F2RL1: variants seen among roughly 807,000 people sequenced by gnomAD.
The protein encoded by F2RL1 is F2R like trypsin receptor 1.
Under a neutral mutation model 21.7 loss-of-function variants are expected in F2RL1, and 16 were observed. The observed-to-expected ratio is 0.74, with a 90% CI of 0.50 to 1.12. The LOEUF (loss-of-function observed/expected upper bound fraction) is 1.12, where lower values mean the gene tolerates loss of function less well. Among genes scored for constraint, F2RL1 ranks in the 50% most tolerant of loss-of-function variants. The pLI, the probability that F2RL1 is intolerant of heterozygous loss-of-function variation, is 0.00. For synonymous variants in F2RL1, 181 were observed against 186.7 expected (o/e 0.97, Z 0.25); for missense variants, 432 against 477.8 (o/e 0.90, Z 0.89).
chr5:76,819,342 G>A, intron 1 of F2RL1, 78 bp downstream of exon 1: 1 of 1,285,966 alleles, frequency 7.8e-7, no homozygotes, highest in Non-Finnish European at 1.1e-6. Context: ...GGTGGGATCC[G>A]GGCAGGTGTG....
chr5:76,823,129 C>G (rs990555942), intron 1 of F2RL1, among the ~76,000 whole-genome samples: 24 of 151,628 alleles, frequency 1.6e-4, no homozygotes, highest in African/African-American at 4.6e-4. Flanking sequence ...GCTTGGGAGG[C>G]TGAGGCAGGA....
chr5:76,819,322 C>T, intron 1 of F2RL1, 58 bp downstream of exon 1: 1 of 1,445,346 alleles, frequency 6.9e-7, no homozygotes, highest in South Asian at 1.2e-5. Flanking sequence ...CCTGGGCACG[C>T]TGGGCAGACG....
chr5:76,827,221 C>T (rs1488344700), intron 1 of F2RL1, among the ~76,000 whole-genome samples: 1 of 150,906 alleles, frequency 6.6e-6, no homozygotes, highest in East Asian at 2.0e-4. Flanking sequence ...GTGGCTCACG[C>T]CTGTAATCCC....
chr5:76,832,715 A>G lies in F2RL1; in HGVS notation c.108A>G (p.Arg36=). The G allele has an allele frequency of 6.2e-7, 1 of 1,611,434 alleles. No homozygotes were observed. The highest frequency in any genetic ancestry group is 1.1e-5 in the South Asian group (1 of 90,756). ...GAACCAGTAGATCCTCTAAAGGAAGAAGCCTTATTGGTAAGGTTGATGGCA... is the reference window on the plus strand; with the variant it reads ...GAACCAGTAGATCCTCTAAAGGAAGGAGCCTTATTGGTAAGGTTGATGGCA... ...IQGTSRSSKG[R]SLIGKVDGTS... The change falls in exon 2 of 2, where the codon AGA becomes AGG. Residue 36 remains arginine (R), a synonymous_variant. Coordinates refer to ENST00000296677, the MANE Select transcript of F2RL1 (RefSeq NM_005242.6).
chr5:76,827,682 C>G (rs1043004582), intron 1 of F2RL1, among the ~76,000 whole-genome samples: 2 of 149,736 alleles, frequency 1.3e-5, no homozygotes, highest in African/African-American at 4.9e-5. Flanking sequence ...TCACTGCAAC[C>G]TCCGCCTCCC....
chr5:76,822,339 TCTGGA>T (rs1750153979), intron 1 of F2RL1, among the ~76,000 whole-genome samples: 1 of 152,148 alleles, frequency 6.6e-6, no homozygotes, highest in Non-Finnish European at 1.5e-5. Context: ...TGCCTCAGCC[TCTGGA>T]GTAGCTGGGA....
chr5:76,832,707 A>G lies in F2RL1; in HGVS notation c.100A>G (p.Lys34Glu), dbSNP rs775613107. 1 of 1,608,732 alleles carries G rather than the reference A, an allele frequency of 6.2e-7. No homozygotes were observed. The highest frequency in any genetic ancestry group is 8.5e-7 in the Non-Finnish European group (1 of 1,176,780). ...TTGTACAGGAACCAGTAGATCCTCTAAAGGAAGAAGCCTTATTGGTAAGGT... is the reference window on the plus strand; with the variant it reads ...TTGTACAGGAACCAGTAGATCCTCTGAAGGAAGAAGCCTTATTGGTAAGGT... ...GTIQGTSRSS[K>E]GRSLIGKVDG... The change falls in exon 2 of 2, where the codon AAA (lysine) becomes GAA (glutamate). Residue 34 changes from lysine (K) to glutamate (E), a missense_variant. Transcript: ENST00000296677.
At chr5:76,822,010 C>T (rs756763102) in intron 1 of F2RL1, among the ~76,000 whole-genome samples, 10 of 152,174 alleles carry the variant, frequency 6.6e-5, no homozygotes, top group Admixed American at 1.3e-4. Context: ...GCTAATATTT[C>T]GGCTTATATA....
In F2RL1 at chr5:76,832,860, G is replaced by T. The variant is rs1374345905; in HGVS notation, c.253G>T (p.Val85Leu). ...CTTCCTTCCAATTGTCTACACAATT[G>T]TGTTTGTGGTGGGTTTGCCAAGTAA... ...TVFLPIVYTI[V>L]FVVGLPSNGM... Residue 85 changes from valine to leucine, a missense_variant, in exon 2 of 2, where the codon GTG (valine) becomes TTG (leucine). Val to Leu is a conservative substitution (Grantham distance 32). Coordinates refer to ENST00000296677, the MANE Select transcript of F2RL1 (RefSeq NM_005242.6). The T allele has an allele frequency of 7.4e-6, 12 of 1,614,094 alleles. No homozygotes were observed. Among genetic ancestry groups the T allele is most frequent in the Non-Finnish European group, 9.3e-6 (11 of 1,180,054 alleles).
In F2RL1 at chr5:76,833,588, T is replaced by G. The variant is rs777222086; in HGVS notation, c.981T>G (p.Ile327Met). 9 of 1,613,880 alleles carry G rather than the reference T, an allele frequency of 5.6e-6. No individual in the cohort carries two copies. Among genetic ancestry groups the G allele is most frequent in the Non-Finnish European group, 6.8e-6 (8 of 1,179,968 alleles). ...QGQSHVYALY[I>M]VALCLSTLNS... ...AGAGCCATGTCTATGCCCTGTACAT[T>G]GTAGCCCTCTGCCTCTCTACCCTTA... Residue 327 changes from isoleucine (I) to methionine (M), a missense_variant, in exon 2 of 2, where the codon ATT becomes ATG. Transcript: ENST00000296677.
rs1449301738 is a variant in F2RL1 at position 76,826,029 on chromosome 5, G to A, written c.83-6661G>A. On this transcript the variant is annotated intron_variant, in intron 1 of 1. Transcript: ENST00000296677. ...TCTTATAGAAATATACTATTATAGT[G>A]AATTAAGTGTATCCACCACTCAACT... Among the ~76,000 whole-genome samples, 3 of 152,160 alleles carry A rather than the reference G, an allele frequency of 2.0e-5. No individual in the cohort carries two copies. The East Asian group carries it at 5.8e-4, about 29-fold the overall frequency.
chr5:76,829,923 C>A (rs1261283304), intron 1 of F2RL1, among the ~76,000 whole-genome samples: 1 of 151,938 alleles, frequency 6.6e-6, no homozygotes, highest in Admixed American at 6.6e-5. Context: ...AACATATGTT[C>A]TTTTTGAAGA....
At position 76,834,931 on chromosome 5, in the gene F2RL1, G is replaced by T. The variant is rs979540907; in HGVS notation, c.*1130G>T. 6.6e-6 allele frequency: 1 copy of T among 152,228 alleles called. No homozygotes were observed. Among genetic ancestry groups the T allele is most frequent in the Non-Finnish European group, 1.5e-5 (1 of 68,016 alleles). The allele number at this position is 152,228 out of a possible 1,614,324, so 9.4% of individuals were successfully genotyped here. ...TTCTTTATTAACCCTCTGAGTTTTT[G>T]TATGTATTATTATTAAAGAAAAATG... is the stretch of plus-strand genomic sequence containing the variant. On this transcript the variant is annotated 3_prime_UTR_variant, in exon 2 of 2. Transcript: ENST00000296677.
At chr5:76,832,122 C>G (rs986289963) in intron 1 of F2RL1, among the ~76,000 whole-genome samples, 1 of 151,882 alleles carries the variant, frequency 6.6e-6, no homozygotes, top group East Asian at 1.9e-4. Context: ...TCCTAGAAAT[C>G]GATGCTCCAC....
chr5:76,833,984 C>T lies in F2RL1; in HGVS notation c.*183C>T. 3.4e-6 allele frequency: 2 copies of T among 588,140 alleles called. No individual in the cohort carries two copies. Among genetic ancestry groups the T allele is most frequent in the Non-Finnish European group, 5.8e-6 (2 of 344,098 alleles). 36.4% of individuals were successfully genotyped at this position (588,140 alleles called of 1,614,324 possible). A position where few individuals can be genotyped will look rare whatever the true frequency, so the allele number is the denominator to read the frequency against. On this transcript the variant is annotated 3_prime_UTR_variant, in exon 2 of 2. Transcript: ENST00000296677. ...GAAAAGTAGTCCCCCAAATTAACAT[C>T]AGTGTCTGTTTCAGAATCTCTCTAC...
In F2RL1 at chr5:76,833,685, C is replaced by T. The variant is rs756912293; in HGVS notation, c.1078C>T (p.Leu360Phe). The change falls in exon 2 of 2, where the codon CTT (leucine) becomes TTT (phenylalanine). Residue 360 changes from leucine (L) to phenylalanine (F), a missense_variant. Coordinates refer to ENST00000296677, the MANE Select transcript of F2RL1 (RefSeq NM_005242.6). ...CAGGGATCATGCAAAGAACGCTCTC[C>T]TTTGCCGAAGTGTCCGCACTGTAAA... ...DFRDHAKNAL[L>F]CRSVRTVKQM... The T allele has an allele frequency of 9.9e-6, 16 of 1,613,886 alleles. 1 individual carries two copies. The highest frequency in any genetic ancestry group is 3.3e-5 in the Admixed American group (2 of 59,966).
chr5:76,825,004 A>ATTTTTT (rs555152159), intron 1 of F2RL1, among the ~76,000 whole-genome samples: 31 of 129,892 alleles, frequency 2.4e-4, no homozygotes, highest in African/African-American at 9.0e-4. Flanking sequence ...GTACATTATA[A>ATTTTTT]TTTTTTTTTT....
At chr5:76,827,325 CAAAAAAA>C (rs764040748) in intron 1 of F2RL1, among the ~76,000 whole-genome samples, 140 of 87,576 alleles carry the variant, frequency 1.6e-3, no homozygotes, top group Admixed American at 2.5e-3. Context: ...ACTAAAAATA[CAAAAAAA>C]AAAAAAAAAA....
chr5:76,829,582 A>G lies in F2RL1; in HGVS notation c.83-3108A>G, dbSNP rs900495321. ...AATAACTGCACCAGTTGCTCAGTCT[A>G]TAACACTAATCAAGCACTGAATCCA... On this transcript the variant is annotated intron_variant, in intron 1 of 1. Transcript: ENST00000296677. Among the ~76,000 whole-genome samples the G allele has an allele frequency of 3.3e-5, 5 of 152,158 alleles. No homozygotes were observed. In the East Asian group the frequency reaches 5.8e-4, roughly 18 times the overall value.
Sources: allele counts gnomAD v4.1 joint callset (sites outside exome capture counted in the v4.1 genomes callset), GRCh38; gene constraint gnomAD v4.1.1; transcripts MANE v1.5; gene names NCBI Gene and HGNC (gene_info 2026-07-23, HGNC 2026-07-21).